Variants in TENM2 observed in about 807,000 individuals in gnomAD.
TENM2 encodes the protein teneurin-2.
TENM2 carries 52 observed loss-of-function variants against 245.2 expected under a neutral mutation model. The ratio of observed to expected loss-of-function variants is 0.21; its 90% CI spans 0.17 to 0.27. TENM2 has a LOEUF of 0.27. TENM2 is among the 10% of genes least tolerant of loss of function. TENM2 has a pLI of 1.00. For synonymous variants in TENM2, 1,363 were observed against 1,438.9 expected, an observed-to-expected ratio of 0.95 and a Z score of 1.19; for missense variants, 3,046 against 3,666.8, an observed-to-expected ratio of 0.83 and a Z score of 4.37.
chr5:168,000,393 C>A (rs1312729761), intron 5 of TENM2, among the ~76,000 whole-genome samples: 1 of 152,216 alleles, frequency 6.6e-6, no homozygotes, highest in African/African-American at 2.4e-5. Context: ...GTAGAAAGCA[C>A]ATACATGGAC....
intron 2 of TENM2, among the ~76,000 whole-genome samples, chr5:167,783,578 A>G (rs1038735953): frequency 2.0e-5 from 3 of 152,224 alleles, no homozygotes; most frequent in African/African-American, 7.2e-5. Flanking sequence ...GCTGCTCTTC[A>G]GCTCCGCGGA....
At chr5:167,407,504 A>T (rs1050758643) in intron 2 of TENM2, among the ~76,000 whole-genome samples, 3 of 152,102 alleles carry the variant, frequency 2.0e-5, no homozygotes, top group Non-Finnish European at 4.4e-5. Flanking sequence ...AATTAAATCT[A>T]ATGAAAAAGA....
chr5:166,999,348 G>T, the TENM2 span, among the ~76,000 whole-genome samples: 3 of 152,148 alleles, frequency 2.0e-5, no homozygotes, highest in Non-Finnish European at 4.4e-5. Context: ...TAAGTAAATG[G>T]TCCTGCCCGT....
At chr5:167,146,839 G>A in the TENM2 span, among the ~76,000 whole-genome samples, 2 of 151,914 alleles carry the variant, frequency 1.3e-5, no homozygotes, top group Non-Finnish European at 2.9e-5. Flanking sequence ...AAATTTTCTT[G>A]GGGGAATATA....
At chr5:167,835,720 T>TAA (rs374900386) in intron 2 of TENM2, among the ~76,000 whole-genome samples, 2 of 146,606 alleles carry the variant, frequency 1.4e-5, no homozygotes, top group African/African-American at 2.5e-5. Context: ...ATATAGTAAC[T>TAA]AAAAAAAAAA....
intron 2 of TENM2, among the ~76,000 whole-genome samples, chr5:167,552,086 G>A (rs190647491): frequency 7.9e-5 from 12 of 152,226 alleles, no homozygotes; most frequent in African/African-American, 1.9e-4. Flanking sequence ...CTTATTAATC[G>A]AAATTCTCAA....
At chr5:167,609,931 C>T (rs567463208) in intron 2 of TENM2, among the ~76,000 whole-genome samples, 1 of 152,064 alleles carries the variant, frequency 6.6e-6, no homozygotes, top group South Asian at 2.1e-4. Flanking sequence ...GTGTTAGATC[C>T]CACAGGTTAA....
chr5:167,607,826 G>A (rs1040361998), intron 2 of TENM2, among the ~76,000 whole-genome samples: 3 of 152,172 alleles, frequency 2.0e-5, no homozygotes, highest in African/African-American at 7.2e-5. Flanking sequence ...TATGCCCAGT[G>A]TAATAATGAG....
chr5:167,237,744 A>G, the TENM2 span, among the ~76,000 whole-genome samples: 1 of 152,096 alleles, frequency 6.6e-6, no homozygotes, highest in Admixed American at 6.6e-5. Context: ...GCGGGGCCCG[A>G]TGGCTCACGC....
intron 2 of TENM2, among the ~76,000 whole-genome samples, chr5:167,808,246 A>G (rs1766374625): frequency 6.6e-6 from 1 of 152,058 alleles, no homozygotes; most frequent in South Asian, 2.1e-4. Context: ...TATGACATGG[A>G]ACTTCTTTTT....
the TENM2 span, among the ~76,000 whole-genome samples, chr5:166,990,544 C>G: frequency 2.0e-5 from 3 of 152,112 alleles, no homozygotes; most frequent in Admixed American, 6.5e-5. Context: ...AATATTGTCT[C>G]ATTTAATGCA....
In TENM2 at chr5:167,993,210, C is replaced by A. The variant is rs376256319; in HGVS notation, c.1186+28C>A. On this transcript the variant is annotated intron_variant, in intron 5 of 28. Coordinates refer to ENST00000518659, the Ensembl canonical transcript of TENM2. ...AAGTCAGGGCAGCCTTATTCAGCAA[C>A]GCTGGGGATGACAACATGAGGGGAG... 8.3e-6 allele frequency: 13 copies of A among 1,572,706 alleles called. No individual in the cohort carries two copies. The African/African-American group carries it at 1.5e-4, about 18-fold the overall frequency.
At chr5:167,100,768 A>G in the TENM2 span, among the ~76,000 whole-genome samples, 1 of 152,110 alleles carries the variant, frequency 6.6e-6, no homozygotes, top group Non-Finnish European at 1.5e-5. Flanking sequence ...TCCCTTGTAT[A>G]TCTGTTATAA....
intron 6 of TENM2, among the ~76,000 whole-genome samples, chr5:168,057,136 G>T (rs1562104853): frequency 6.6e-6 from 1 of 152,032 alleles, no homozygotes; most frequent in Non-Finnish European, 1.5e-5. Context: ...GTGTAATTCA[G>T]TTACACACCT....
At chr5:167,414,184 G>T (rs10060218) in intron 2 of TENM2, among the ~76,000 whole-genome samples, 5,136 of 152,060 alleles carry the variant, frequency 0.034, 302 homozygotes, top group African/African-American at 0.12. Flanking sequence ...AGGTAGATAC[G>T]GACTTTTTGT....
chr5:168,212,811 A>G (rs1762891366), intron 20 of TENM2, among the ~76,000 whole-genome samples: 2 of 152,156 alleles, frequency 1.3e-5, no homozygotes, highest in African/African-American at 4.8e-5. Flanking sequence ...ACAGGTATGG[A>G]GGCATGGCTG....
the TENM2 span, among the ~76,000 whole-genome samples, chr5:167,081,218 G>C: frequency 6.6e-6 from 1 of 151,754 alleles, no homozygotes. Context: ...GAAAACAAAA[G>C]ACATGATATT....
At chr5:167,523,834 G>A (rs1770929273) in intron 2 of TENM2, among the ~76,000 whole-genome samples, 1 of 152,086 alleles carries the variant, frequency 6.6e-6, no homozygotes, top group South Asian at 2.1e-4. Flanking sequence ...AGAAAAGAGA[G>A]CATTAATTAG....
intron 2 of TENM2, among the ~76,000 whole-genome samples, chr5:167,695,397 A>G (rs1422267638): frequency 6.6e-6 from 1 of 152,202 alleles, no homozygotes; most frequent in Non-Finnish European, 1.5e-5. Context: ...TACATGTGAA[A>G]TGTTATTCTT....
Sources: allele counts gnomAD v4.1 joint callset (sites outside exome capture counted in the v4.1 genomes callset), GRCh38; gene constraint gnomAD v4.1.1; transcripts MANE v1.5; gene names NCBI Gene and HGNC (gene_info 2026-07-23, HGNC 2026-07-21).